The following ZNF169 variants were observed in gnomAD, a reference collection of about 807,000 sequenced individuals.
The protein encoded by ZNF169 is zinc finger protein 169.
In ZNF169, 11 loss-of-function variants were observed where a neutral mutation model predicts 12.0. The observed-to-expected ratio is 0.92, with a 90% CI of 0.58 to 1.52. ZNF169 has a LOEUF of 1.52. Among genes scored for constraint, ZNF169 ranks in the 40% most tolerant of loss-of-function variants. The probability of loss-of-function intolerance (pLI) is 0.00; values close to 1 mark genes in which losing one functional copy is unlikely to be tolerated. For synonymous variants in ZNF169, 302 were observed against 286.5 expected (o/e 1.05, Z -0.55); for missense variants, 722 against 744.0 (o/e 0.97, Z 0.34).
At chr9:94,277,298 G>C (rs1830539518) in intron 1 of ZNF169, among the ~76,000 whole-genome samples, 1 of 152,142 alleles carries the variant, frequency 6.6e-6, no homozygotes, top group Admixed American at 6.5e-5. Flanking sequence ...ACTTCAGAGA[G>C]AGCAGGTTGT....
chr9:94,287,985 T>A (rs1430552365), intron 2 of ZNF169: 5 of 802,532 alleles, frequency 6.2e-6, no homozygotes, highest in African/African-American at 3.4e-5. Context: ...GCTGCCAAAC[T>A]CTGTCCCATC....
chr9:94,288,759 T>G (rs2118631259), intron 2 of ZNF169, among the ~76,000 whole-genome samples: 1 of 152,322 alleles, frequency 6.6e-6, no homozygotes, highest in Middle Eastern at 3.4e-3. Flanking sequence ...ACCATGATTG[T>G]AAGTTTCCTG....
At chr9:94,269,305 G>T (rs532001193) in intron 1 of ZNF169, among the ~76,000 whole-genome samples, 2 of 152,236 alleles carry the variant, frequency 1.3e-5, no homozygotes, top group South Asian at 4.1e-4. Context: ...GCTTCCCTTG[G>T]TGGTACCGGA....
At position 94,300,277 on chromosome 9, in the gene ZNF169, G is replaced by C. The variant is rs745685289; in HGVS notation, c.719G>C (p.Gly240Ala). 1.4e-5 allele frequency: 23 copies of C among 1,614,102 alleles called. No homozygotes were observed. The highest frequency in any genetic ancestry group is 1.7e-5 in the Admixed American group (1 of 60,012). The stretch of plus-strand genomic sequence containing the variant: ...AAGCATCATGTGTGCCCTGAATGCG[G>C]GAGAGGCTTTTGCCAGAGATCAGAC... ...HQKHHVCPEC[G>A]RGFCQRSDLI... Residue 240 changes from glycine (G) to alanine (A), a missense_variant, in exon 5 of 5, where the codon GGG becomes GCG. Gly to Ala is a moderately conservative substitution (Grantham distance 60). Transcript: ENST00000395395.
intron 4 of ZNF169, among the ~76,000 whole-genome samples, chr9:94,296,147 G>C (rs1406912946): frequency 6.6e-6 from 1 of 152,168 alleles, no homozygotes; most frequent in Non-Finnish European, 1.5e-5. Context: ...GTATCTTCAT[G>C]TGCTTATTTG....
chr9:94,259,651 A>G (rs1457262933), intron 1 of ZNF169, among the ~76,000 whole-genome samples: 2 of 152,076 alleles, frequency 1.3e-5, no homozygotes, highest in Non-Finnish European at 2.9e-5. Flanking sequence ...TTCCCGAGCT[A>G]CTTCGCAGGT....
chr9:94,260,965 G>A (rs1278172396), intron 1 of ZNF169, among the ~76,000 whole-genome samples: 1 of 150,772 alleles, frequency 6.6e-6, no homozygotes, highest in African/African-American at 2.4e-5. Context: ...TACCACAGGC[G>A]CCCGCCACCA....
intron 2 of ZNF169, chr9:94,288,554 C>T (rs1830763967): frequency 2.0e-6 from 1 of 495,764 alleles, no homozygotes; most frequent in Non-Finnish European, 3.9e-6. Flanking sequence ...CAGCCATCTT[C>T]TCAGAGGTGG....
rs561645498 is a variant in ZNF169 at position 94,270,704 on chromosome 9, A to T, written c.-55-8054A>T. ...TATATATAAATATATAATTTATATA[A>T]TTATATAATATATAATATTATATAT... On this transcript the variant is annotated intron_variant, in intron 1 of 4. Transcript: ENST00000395395. 5.8e-3 allele frequency among the ~76,000 whole-genome samples: 419 copies of T among 72,690 alleles called. 12 individuals are homozygous for T. The highest frequency in any genetic ancestry group is 0.017 in the African/African-American group (408 of 23,496). 47.7% of individuals were successfully genotyped at this position (72,690 alleles called of 152,430 possible).
intron 4 of ZNF169, chr9:94,299,492 C>A (rs1027846280): frequency 1.6e-6 from 2 of 1,259,342 alleles, no homozygotes; most frequent in African/African-American, 1.5e-5. Context: ...GCAGGCCGAA[C>A]AAATGTTTCT....
intron 1 of ZNF169, among the ~76,000 whole-genome samples, chr9:94,269,557 C>T (rs1390446709): frequency 6.6e-6 from 1 of 152,172 alleles, no homozygotes; most frequent in African/African-American, 2.4e-5. Flanking sequence ...GAAAGCGGCA[C>T]TCTCCTTATC....
At position 94,301,134 on chromosome 9, in the gene ZNF169, A is replaced by G. The variant is rs1172721198; in HGVS notation, c.1576A>G (p.Lys526Glu). Residue 526 changes from lysine to glutamate, a missense_variant, in exon 5 of 5, where the codon AAG (lysine) becomes GAG (glutamate). Lys to Glu is a moderately conservative substitution (Grantham distance 56). Coordinates refer to ENST00000395395, the MANE Select transcript of ZNF169 (RefSeq NM_194320.4). ...DRVCGQGLGQ[K>E]SHLISDQRTH... Reference sequence around the variant, plus strand: ...GGTGTGTGGACAAGGACTTGGCCAGAAGTCACACCTTATCTCTGACCAAAG... The same window carrying G: ...GGTGTGTGGACAAGGACTTGGCCAGGAGTCACACCTTATCTCTGACCAAAG... The G allele has an allele frequency of 6.2e-7, 1 of 1,613,946 alleles. No individual in the cohort carries two copies. The highest frequency in any genetic ancestry group is 8.5e-7 in the Non-Finnish European group (1 of 1,179,958).
rs766080655 is a variant in ZNF169 at position 94,292,464 on chromosome 9, C to T, written c.157C>T (p.Leu53=). 23 of 1,613,186 alleles carry T rather than the reference C, an allele frequency of 1.4e-5. No homozygotes were observed. The highest frequency in any genetic ancestry group is 1.9e-5 in the Non-Finnish European group (22 of 1,179,538). ...GGAGAACTACAGCCATCTGGTCTCC[C>T]TGGGTAAGGCTGGCCTGTTTAAGGT... ...MLENYSHLVS[L]GIAFSKPKLI... Residue 53 remains leucine, a synonymous_variant, in exon 3 of 5, where the codon CTG becomes TTG. Coordinates refer to ENST00000395395, the MANE Select transcript of ZNF169 (RefSeq NM_194320.4).
chr9:94,291,627 G>A (rs118007499), intron 2 of ZNF169, among the ~76,000 whole-genome samples: 115 of 152,094 alleles, frequency 7.6e-4, no homozygotes, highest in East Asian at 6.0e-3. Flanking sequence ...TCAGCTTGCC[G>A]TATAGAAGAA....
chr9:94,292,690 A>G, intron 3 of ZNF169: 1 of 669,360 alleles, frequency 1.5e-6, no homozygotes, highest in Non-Finnish European at 2.5e-6. Context: ...TGCATTTTTC[A>G]GGCCTGTTTA....
chr9:94,281,329 T>G (rs1830626994), intron 2 of ZNF169, among the ~76,000 whole-genome samples: 2 of 152,196 alleles, frequency 1.3e-5, no homozygotes, highest in Non-Finnish European at 2.9e-5. Flanking sequence ...AACATGACAT[T>G]TAGGCATTTT....
intron 1 of ZNF169, among the ~76,000 whole-genome samples, chr9:94,263,362 C>G (rs1587666696): frequency 6.6e-6 from 1 of 152,154 alleles, no homozygotes; most frequent in Non-Finnish European, 1.5e-5. Context: ...GTAACACTTT[C>G]TCTTGAAATG....
chr9:94,273,886 A>G (rs1264920493), intron 1 of ZNF169, among the ~76,000 whole-genome samples: 1 of 152,136 alleles, frequency 6.6e-6, no homozygotes, highest in Non-Finnish European at 1.5e-5. Flanking sequence ...GCCAAAAGCT[A>G]TAACTTTCTT....
intron 1 of ZNF169, among the ~76,000 whole-genome samples, chr9:94,264,943 T>C (rs1269293150): frequency 6.6e-6 from 1 of 151,962 alleles, no homozygotes; most frequent in Non-Finnish European, 1.5e-5. Flanking sequence ...GTAATTAAGC[T>C]ACTGTGACAA....
Sources: gnomAD v4.1 joint callset for allele counts (sites outside exome capture counted in the v4.1 genomes callset) on GRCh38, gnomAD v4.1.1 for gene constraint, MANE v1.5 for transcripts, NCBI Gene and HGNC (gene_info 2026-07-23, HGNC 2026-07-21) for gene names.